Variants in SAXO1 observed in about 807,000 individuals in gnomAD.
The protein encoded by SAXO1 is 4930500O09Rik.
In SAXO1, 21 loss-of-function variants were observed where a neutral mutation model predicts 17.5. The observed-to-expected ratio is 1.20, with a 90% CI of 0.85 to 1.72. SAXO1 has a LOEUF of 1.72. Among genes scored for constraint, SAXO1 ranks in the 40% most tolerant of loss-of-function variants. The pLI, the probability that SAXO1 is intolerant of heterozygous loss-of-function variation, is 0.00. For missense variants in SAXO1, 843 were observed against 596.0 expected (o/e 1.41, Z -4.32); for synonymous variants, 274 against 216.5 (o/e 1.27, Z -2.33).
intron 1 of SAXO1, among the ~76,000 whole-genome samples, chr9:18,972,468 A>C (rs1216488782): frequency 6.6e-6 from 1 of 152,212 alleles, no homozygotes; most frequent in African/African-American, 2.4e-5. Flanking sequence ...TGAATATTTG[A>C]CATTTGCATT....
intron 1 of SAXO1, among the ~76,000 whole-genome samples, chr9:19,004,477 C>A (rs1273672260): frequency 6.6e-6 from 1 of 152,170 alleles, no homozygotes; most frequent in Non-Finnish European, 1.5e-5. Context: ...AAATGTCCAT[C>A]AATAATAGAC....
intron 1 of SAXO1, among the ~76,000 whole-genome samples, chr9:19,043,460 G>A (rs1836127736): frequency 6.6e-6 from 1 of 151,820 alleles, no homozygotes; most frequent in African/African-American, 2.4e-5. Context: ...AAAGTAGTTA[G>A]AAAGAAGGAG....
upstream of SAXO1, among the ~76,000 whole-genome samples, chr9:19,036,789 T>C (rs892899529): frequency 6.6e-5 from 10 of 152,190 alleles, no homozygotes; most frequent in African/African-American, 2.4e-4. Flanking sequence ...ATGTCCCTAC[T>C]GGGGCACCAC....
chr9:18,995,279 A>C lies in SAXO1; in HGVS notation c.38+37592T>G, dbSNP rs576445704. Among the ~76,000 whole-genome samples, 49 of 152,314 alleles carry C rather than the reference A, an allele frequency of 3.2e-4. No homozygotes were observed. In the South Asian group the frequency reaches 9.7e-3, roughly 30 times the overall value. On this transcript the variant is annotated intron_variant, in intron 1 of 3. Transcript: ENST00000380534. ...ATTAATCCTCTCCTTTCTAGCGATCAGTATCTATCTCTCTCTCAGGCTGAA... is the reference window on the plus strand; with the variant it reads ...ATTAATCCTCTCCTTTCTAGCGATCCGTATCTATCTCTCTCTCAGGCTGAA...
At chr9:18,968,637 AG>A (rs1832826442) in intron 1 of SAXO1, among the ~76,000 whole-genome samples, 2 of 148,296 alleles carry the variant, frequency 1.3e-5, no homozygotes, top group Non-Finnish European at 1.5e-5. Context: ...CTTGTTGCCT[AG>A]GCTGGAATGC....
rs184543662 is a variant in SAXO1 at position 18,956,854 on chromosome 9, G to A, written c.39-5917C>T. Among the ~76,000 whole-genome samples, 4 of 152,284 alleles carry A rather than the reference G, an allele frequency of 2.6e-5. No homozygotes were observed. In the East Asian group the frequency reaches 5.8e-4, roughly 22 times the overall value. On this transcript the variant is annotated intron_variant, in intron 1 of 3. Transcript: ENST00000380534. ...ATTGCATCTAATCTCACAGCAATGC[G>A]ATGAGCGAGGCACTATCATCACCAT...
At position 18,968,560 on chromosome 9, in the gene SAXO1, G is replaced by C. The variant is rs1832820623; in HGVS notation, c.39-17623C>G. Among the ~76,000 whole-genome samples the C allele has an allele frequency of 2.0e-5, 3 of 151,326 alleles. No individual in the cohort carries two copies. The South Asian group carries it at 6.3e-4, about 32-fold the overall frequency. ...ACTCCTTGGATTTTTTGATGCGATA[G>C]ATAGTGGCATCATGGTTAAGAAAAT... On this transcript the variant is annotated intron_variant, in intron 1 of 3. Transcript: ENST00000380534.
intron 1 of SAXO1, among the ~76,000 whole-genome samples, chr9:18,985,630 T>A (rs1055727255): frequency 6.6e-6 from 1 of 152,062 alleles, no homozygotes; most frequent in Non-Finnish European, 1.5e-5. Flanking sequence ...ACCCAGCACC[T>A]CACGATGGAG....
intron 1 of SAXO1, among the ~76,000 whole-genome samples, chr9:18,961,817 T>C (rs1042225579): frequency 6.6e-6 from 1 of 152,202 alleles, no homozygotes; most frequent in Admixed American, 6.5e-5. Context: ...TGTGTCTTTA[T>C]AGTAGAATGA....
chr9:18,974,716 T>C (rs953033546), intron 1 of SAXO1, among the ~76,000 whole-genome samples: 2 of 152,172 alleles, frequency 1.3e-5, no homozygotes, highest in African/African-American at 4.8e-5. Flanking sequence ...TATATACATG[T>C]ATAAATGGGG....
chr9:19,006,943 G>A (rs1834504038), intron 1 of SAXO1, among the ~76,000 whole-genome samples: 1 of 152,112 alleles, frequency 6.6e-6, no homozygotes, highest in Non-Finnish European at 1.5e-5. Flanking sequence ...TACTCGGGAG[G>A]CTGATGCAGG....
Position 18,928,420 on chromosome 9 carries a change from C to G in SAXO1, c.1057G>C (p.Glu353Gln). 6.2e-7 allele frequency: 1 copy of G among 1,608,914 alleles called. No homozygotes were observed. The highest frequency in any genetic ancestry group is 8.5e-7 in the Non-Finnish European group (1 of 1,177,020). The part of the protein sequence containing the change: ...DYKQWSSMRT[E>Q]PVKPVPQLDL... ...AGCTGGGGAACGGGCTTGACTGGCT[C>G]TGTGCGCATGCTGGACCACTGCTTG... The change falls in exon 4 of 4, where the codon GAG becomes CAG. Residue 353 changes from glutamate (E) to glutamine (Q), a missense_variant. By Grantham distance (29) the Glu-to-Gln change is conservative. Coordinates refer to ENST00000380534, the MANE Select transcript of SAXO1 (RefSeq NM_153707.4).
At position 19,032,773 on chromosome 9, in the gene SAXO1, G is replaced by A. The variant is rs1835821522; in HGVS notation, c.38+98C>T. ...AACGTAGCAAGTGGACGAACCCACC[G>A]TGATGCCGCCTGATGAAGCAGCTGG... On this transcript the variant is annotated intron_variant, in intron 1 of 3. Coordinates refer to ENST00000380534, the MANE Select transcript of SAXO1 (RefSeq NM_153707.4). 1.3e-5 allele frequency: 18 copies of A among 1,377,638 alleles called. 1 individual carries two copies. Among genetic ancestry groups the A allele is most frequent in the South Asian group, 7.6e-5 (6 of 78,956 alleles). 85.3% of individuals were successfully genotyped at this position (1,377,638 alleles called of 1,614,324 possible).
chr9:18,959,291 T>C (rs554413477), intron 1 of SAXO1, among the ~76,000 whole-genome samples: 3 of 152,156 alleles, frequency 2.0e-5, no homozygotes, highest in African/African-American at 4.8e-5. Context: ...GATTCGCAGA[T>C]AGGAATACTC....
intron 3 of SAXO1, among the ~76,000 whole-genome samples, chr9:18,938,131 T>C (rs983458174): frequency 1.3e-5 from 2 of 152,198 alleles, no homozygotes; most frequent in African/African-American, 2.4e-5. Context: ...TGTTCATTTA[T>C]TAACTCTGTT....
Position 18,947,174 on chromosome 9 carries a change from G to C in SAXO1, c.218+3584C>G, listed in dbSNP as rs1026048599. Among the ~76,000 whole-genome samples, 5 of 152,216 alleles carry C rather than the reference G, an allele frequency of 3.3e-5. No homozygotes were observed. In the South Asian group the frequency reaches 6.2e-4, roughly 19 times the overall value. On this transcript the variant is annotated intron_variant, in intron 2 of 3. Transcript: ENST00000380534. ...CTCAGGCCCAGGCTATGGAGGCTAA[G>C]TATATGCCCAGTGGTACAGCTCTGA... is the stretch of plus-strand genomic sequence containing the variant.
intron 1 of SAXO1, among the ~76,000 whole-genome samples, chr9:19,006,215 T>C (rs10757016): frequency 0.48 from 72,666 of 152,038 alleles, 18,453 homozygotes; most frequent in Non-Finnish European, 0.57. Context: ...AGTATGATGG[T>C]TTCTCAAAAA....
At chr9:18,941,052 CTATAAT>C (rs1831532317) in intron 3 of SAXO1, among the ~76,000 whole-genome samples, 1 of 152,098 alleles carries the variant, frequency 6.6e-6, no homozygotes, top group Non-Finnish European at 1.5e-5. Context: ...TTATTGATCT[CTATAAT>C]TATAATTTGT....
At chr9:18,969,799 G>A (rs1832876271) in intron 1 of SAXO1, among the ~76,000 whole-genome samples, 1 of 152,208 alleles carries the variant, frequency 6.6e-6, no homozygotes, top group African/African-American at 2.4e-5. Context: ...GCTAAGCAGG[G>A]CAGAAATTAT....
Sources: gnomAD v4.1 joint callset for allele counts (sites outside exome capture counted in the v4.1 genomes callset) on GRCh38, gnomAD v4.1.1 for gene constraint, MANE v1.5 for transcripts, NCBI Gene and HGNC (gene_info 2026-07-23, HGNC 2026-07-21) for gene names.